AHNAK: variants seen among roughly 807,000 people sequenced by gnomAD.
AHNAK encodes the protein AHNAK nucleoprotein, also known as neuroblast differentiation-associated protein AHNAK.
In AHNAK, 23 loss-of-function variants were observed where a neutral mutation model predicts 37.8. The observed-to-expected ratio is 0.61, with a 90% CI of 0.44 to 0.86. The LOEUF (loss-of-function observed/expected upper bound fraction) is 0.86. Ranked by LOEUF, AHNAK falls within the 40% of genes least tolerant of loss-of-function variation. The pLI is 0.00. For missense variants in AHNAK, 7,411 were observed against 7,319.4 expected (o/e 1.01, Z -0.46); for synonymous variants, 2,481 against 2,636.3 (o/e 0.94, Z 1.80).
At position 62,521,371 on chromosome 11, in the gene AHNAK, C is replaced by G. The variant is rs771386221; in HGVS notation, c.13046G>C (p.Gly4349Ala). Residue 4349 changes from glycine (G) to alanine (A), a missense_variant, in exon 5 of 5, where the codon GGC becomes GCC. Transcript: ENST00000378024. ...TLPKADIEIS[G>A]PKVDIDAPDV... ...AGGGGCATCAATGTCCACTTTGGGG[C>G]CAGAAATCTCAATGTCAGCCTTAGG... 4.3e-6 allele frequency: 7 copies of G among 1,613,708 alleles called. No homozygotes were observed. The highest frequency in any genetic ancestry group is 5.9e-6 in the Non-Finnish European group (7 of 1,179,986).
intron 5 of AHNAK, among the ~76,000 whole-genome samples, chr11:62,479,117 A>G (rs1333293890): frequency 4.0e-5 from 6 of 151,394 alleles, no homozygotes; most frequent in Non-Finnish European, 7.4e-5. Flanking sequence ...ATAAGATAGT[A>G]GGACAACTTT....
chr11:62,533,744 G>C lies in AHNAK; in HGVS notation c.673C>G (p.Arg225Gly), dbSNP rs761763729. 1 of 1,614,014 alleles carries C rather than the reference G, an allele frequency of 6.2e-7. No individual in the cohort carries two copies. Among genetic ancestry groups the C allele is most frequent in the African/African-American group, 1.3e-5 (1 of 74,894 alleles). ...CCTGAAGCAGAAATGGCCCCTGCTC[G>C]GATATCCACAGCAGAGCCTGTCGGA... ...ASPTGSAVDIRAGAISASGPE... is the reference protein window; with the variant it reads ...ASPTGSAVDIGAGAISASGPE... Residue 225 changes from arginine to glycine, a missense_variant, in exon 5 of 5, where the codon CGA becomes GGA. Coordinates refer to ENST00000378024, the MANE Select transcript of AHNAK (RefSeq NM_001620.3).
At chr11:62,439,815 C>T (rs2134777865) in intron 5 of AHNAK, among the ~76,000 whole-genome samples, 1 of 151,796 alleles carries the variant, frequency 6.6e-6, no homozygotes, top group Middle Eastern at 3.4e-3. Flanking sequence ...CTATAGGCAC[C>T]CACCACCACA....
chr11:62,484,709 G>A (rs929436818), intron 5 of AHNAK, among the ~76,000 whole-genome samples: 5 of 152,198 alleles, frequency 3.3e-5, no homozygotes, highest in Non-Finnish European at 5.9e-5. Flanking sequence ...GCATGCTTCC[G>A]AGTGAGATGG....
intron 5 of AHNAK, among the ~76,000 whole-genome samples, chr11:62,439,652 G>T (rs1216100560): frequency 6.9e-6 from 1 of 145,488 alleles, no homozygotes; most frequent in African/African-American, 2.5e-5. Context: ...GGTTTGTTTT[G>T]GATTTTTGTG....
chr11:62,536,015 C>G lies in AHNAK; in HGVS notation c.84G>C (p.Arg28Ser). Residue 28 changes from arginine to serine, a missense_variant, in exon 3 of 5, where the codon AGG becomes AGC. Physicochemically the swap from Arg to Ser is moderately radical, Grantham distance 110. Coordinates refer to ENST00000378024, the MANE Select transcript of AHNAK (RefSeq NM_001620.3). ...SGSHGLTIAQRDDGVFVQEVT... is the reference protein window; with the variant it reads ...SGSHGLTIAQSDDGVFVQEVT... ...CCTCCTGCACAAAGACGCCGTCGTC[C>G]CTCTGGGCGATGGTCAGCCCGTGGG... 1 of 1,612,946 alleles carries G rather than the reference C, an allele frequency of 6.2e-7. No individual in the cohort carries two copies. Among genetic ancestry groups the G allele is most frequent in the Non-Finnish European group, 8.5e-7 (1 of 1,179,430 alleles).
At chr11:62,434,471 C>A (rs1938116557) in intron 5 of AHNAK, among the ~76,000 whole-genome samples, 2 of 152,142 alleles carry the variant, frequency 1.3e-5, no homozygotes, top group Admixed American at 1.3e-4. Context: ...CCGAGTCACA[C>A]CCAACTCATC....
chr11:62,521,130 G>A lies in AHNAK; in HGVS notation c.13287C>T (p.Asp4429=), dbSNP rs1378530880. ...GACCTTCAATATTGACATCAGGTGT[G>A]TCAATGTCCAAACTGGGGCCTTTTA... The part of the protein sequence containing the change: ...IDIKGPSLDI[D]TPDVNIEGPE... Residue 4429 remains aspartate (D), a synonymous_variant, in exon 5 of 5, where the codon GAC becomes GAT. Coordinates refer to ENST00000378024, the MANE Select transcript of AHNAK (RefSeq NM_001620.3). 1.1e-5 allele frequency: 18 copies of A among 1,613,692 alleles called. No individual in the cohort carries two copies. The highest frequency in any genetic ancestry group is 1.3e-5 in the Non-Finnish European group (15 of 1,179,990).
Position 62,516,037 on chromosome 11 carries a change from G to A in AHNAK, c.*707C>T, listed in dbSNP as rs1940007618. ...TAAAAAGAAATCAGAACTAATATCA[G>A]GAACATGGCGGCATGAAGGAAACAG... On this transcript the variant is annotated 3_prime_UTR_variant, in exon 5 of 5. Transcript: ENST00000378024. 4.2e-6 allele frequency: 5 copies of A among 1,181,716 alleles called. No homozygotes were observed. The highest frequency in any genetic ancestry group is 5.3e-6 in the Non-Finnish European group (5 of 936,638). 73.2% of individuals were successfully genotyped at this position (1,181,716 alleles called of 1,614,324 possible). A position where few individuals can be genotyped will look rare whatever the true frequency, so the allele number is the denominator to read the frequency against.
chr11:62,510,387 T>C (rs1337252534), intron 4 of AHNAK, among the ~76,000 whole-genome samples: 2 of 152,072 alleles, frequency 1.3e-5, no homozygotes, highest in Non-Finnish European at 2.9e-5. Flanking sequence ...TGCTGAAGTA[T>C]TTATGGGTAA....
At chr11:62,446,515 TG>T (rs1277875955) in intron 5 of AHNAK, among the ~76,000 whole-genome samples, 2 of 152,202 alleles carry the variant, frequency 1.3e-5, no homozygotes, top group Non-Finnish European at 2.9e-5. Flanking sequence ...AGATGTGGAC[TG>T]GGGTTTTCTA....
intron 5 of AHNAK, among the ~76,000 whole-genome samples, chr11:62,486,561 AGG>A (rs1565210918): frequency 1.4e-5 from 2 of 140,494 alleles, no homozygotes; most frequent in African/African-American, 5.1e-5. Flanking sequence ...GGAGGGAGGG[AGG>A]GAGCATGGTG....
At chr11:62,443,535 G>A (rs1204297440) in intron 5 of AHNAK, among the ~76,000 whole-genome samples, 1 of 152,122 alleles carries the variant, frequency 6.6e-6, no homozygotes, top group Non-Finnish European at 1.5e-5. Context: ...GCCTCCCCAA[G>A]TTCTAGGATT....
intron 5 of AHNAK, among the ~76,000 whole-genome samples, chr11:62,435,544 T>C (rs1938149143): frequency 6.6e-6 from 1 of 151,760 alleles, no homozygotes; most frequent in African/African-American, 2.4e-5. Context: ...CCCGAGTAGC[T>C]GGGGACTACA....
intron 5 of AHNAK, among the ~76,000 whole-genome samples, chr11:62,436,108 G>A (rs1938165131): frequency 1.3e-5 from 2 of 152,252 alleles, no homozygotes; most frequent in East Asian, 1.9e-4. Flanking sequence ...CATTCTCAGC[G>A]AATTCACAAC....
rs377272461 is a variant in AHNAK at position 62,530,119 on chromosome 11, T to C, written c.4298A>G (p.Lys1433Arg). 3.7e-6 allele frequency: 6 copies of C among 1,614,042 alleles called. No individual in the cohort carries two copies. The African/African-American group carries it at 8.0e-5, about 22-fold the overall frequency. Residue 1433 changes from lysine (K) to arginine (R), a missense_variant, in exon 5 of 5, where the codon AAA (lysine) becomes AGA (arginine). By Grantham distance (26) the Lys-to-Arg change is conservative. Transcript: ENST00000378024. ...CATCTTGAATTTGGGACCTTTTAGT[T>C]TTGCGTCTGGACCTTCAATATTCAC... ...PDVNIEGPDA[K>R]LKGPKFKMPE...
At chr11:62,484,966 T>C in intron 5 of AHNAK, among the ~76,000 whole-genome samples, 1 of 152,128 alleles carries the variant, frequency 6.6e-6, no homozygotes, top group East Asian at 1.9e-4. Flanking sequence ...ATTTTGTATT[T>C]TTAGTAGAGA....
chr11:62,518,846 C>G lies in AHNAK; in HGVS notation c.15571G>C (p.Ala5191Pro), dbSNP rs750850842. Residue 5191 changes from alanine to proline, a missense_variant, in exon 5 of 5, where the codon GCC becomes CCC. By Grantham distance (27) the Ala-to-Pro change is conservative. Coordinates refer to ENST00000378024, the MANE Select transcript of AHNAK (RefSeq NM_001620.3). Reference protein sequence around the residue: ...KVKTPSFGISAPQVSIPDVNV... With the variant: ...KVKTPSFGISPPQVSIPDVNV... ...ACATCAGGGATGGAGACTTGAGGGG[C>G]AGAAATGCCGAAGGACGGTGTTTTG... 20 of 1,614,076 alleles carry G rather than the reference C, an allele frequency of 1.2e-5. No individual in the cohort carries two copies. The South Asian group carries it at 2.1e-4, about 17-fold the overall frequency.
chr11:62,519,804 G>A lies in AHNAK; in HGVS notation c.14613C>T (p.Val4871=). 6.2e-7 allele frequency: 1 copy of A among 1,614,102 alleles called. No individual in the cohort carries two copies. Among genetic ancestry groups the A allele is most frequent in the Non-Finnish European group, 8.5e-7 (1 of 1,179,990 alleles). The part of the protein sequence containing the change: ...PKVKGDFDVS[V]PKVEGTLKGP... ...CTTTCAAAGTCCCTTCAACCTTAGGGACAGACACATCAAAATCTCCTTTTA... is the reference window on the plus strand; with the variant it reads ...CTTTCAAAGTCCCTTCAACCTTAGGAACAGACACATCAAAATCTCCTTTTA... The change falls in exon 5 of 5, where the codon GTC becomes GTT. Residue 4871 remains valine (V), a synonymous_variant. Coordinates refer to ENST00000378024, the MANE Select transcript of AHNAK (RefSeq NM_001620.3).
Sources: gnomAD v4.1 joint callset for allele counts (sites outside exome capture counted in the v4.1 genomes callset) on GRCh38, gnomAD v4.1.1 for gene constraint, MANE v1.5 for transcripts, NCBI Gene and HGNC (gene_info 2026-07-23, HGNC 2026-07-21) for gene names.